The following ARHGAP22 variants were observed in gnomAD, a reference collection of about 807,000 sequenced individuals.
ARHGAP22 encodes the protein rho GTPase-activating protein 22.
A neutral mutation model predicts 59.1 loss-of-function variants in ARHGAP22; 48 were observed. That is an observed-to-expected ratio of 0.81 (90% CI 0.64 to 1.03). The LOEUF is 1.03. ARHGAP22 is among the 50% of genes least tolerant of loss of function. The probability of loss-of-function intolerance (pLI) is 0.00; values close to 1 mark genes in which losing one functional copy is unlikely to be tolerated. For synonymous variants in ARHGAP22, 445 were observed against 416.4 expected, an observed-to-expected ratio of 1.07 and a Z score of -0.84; for missense variants, 1,015 against 958.7, an observed-to-expected ratio of 1.06 and a Z score of -0.78.
chr10:48,644,963 T>C (rs1180739501), intron 1 of ARHGAP22, among the ~76,000 whole-genome samples: 1 of 151,410 alleles, frequency 6.6e-6, no homozygotes, highest in Non-Finnish European at 1.5e-5. Flanking sequence ...AGTAAAACAT[T>C]AGAGAAAATC....
intron 2 of ARHGAP22, among the ~76,000 whole-genome samples, chr10:48,567,391 C>T (rs1459355168): frequency 3.3e-5 from 5 of 152,080 alleles, no homozygotes; most frequent in Non-Finnish European, 5.9e-5. Context: ...ACTAGTGCCC[C>T]GGCCTTGGTG....
At chr10:48,487,070 C>G (rs2049932023) in intron 3 of ARHGAP22, among the ~76,000 whole-genome samples, 1 of 152,106 alleles carries the variant, frequency 6.6e-6, no homozygotes, top group Non-Finnish European at 1.5e-5. Flanking sequence ...CACTGAACTT[C>G]TTAGATTTGT....
At chr10:48,647,745 A>G (rs907561199) in intron 1 of ARHGAP22, among the ~76,000 whole-genome samples, 1 of 152,264 alleles carries the variant, frequency 6.6e-6, no homozygotes, top group African/African-American at 2.4e-5. Context: ...GTGAATGCTC[A>G]TAACAGCATC....
chr10:48,533,747 T>C (rs1268398752), intron 3 of ARHGAP22, among the ~76,000 whole-genome samples: 4 of 152,244 alleles, frequency 2.6e-5, no homozygotes, highest in African/African-American at 7.2e-5. Context: ...AAACTTTATG[T>C]ACAATAGCAG....
chr10:48,484,529 C>T (rs1245146731), intron 3 of ARHGAP22, among the ~76,000 whole-genome samples: 6 of 152,170 alleles, frequency 3.9e-5, no homozygotes, highest in Admixed American at 3.9e-4. Context: ...TGTTTTCAAA[C>T]CTAGAAGTTT....
chr10:48,453,944 C>T (rs981532393), intron 7 of ARHGAP22, 144 bp downstream of exon 7: 20 of 819,612 alleles, frequency 2.4e-5, no homozygotes, highest in African/African-American at 6.8e-5. Context: ...CTCCCTGCTT[C>T]GTCCACGCTG....
At chr10:48,448,357 C>T (rs1356901930) in intron 9 of ARHGAP22, among the ~76,000 whole-genome samples, 2 of 152,218 alleles carry the variant, frequency 1.3e-5, no homozygotes, top group Admixed American at 6.5e-5. Context: ...TTTTAACACA[C>T]CGTGTATTTT....
At chr10:48,505,024 G>A (rs1300139494) in intron 3 of ARHGAP22, among the ~76,000 whole-genome samples, 1 of 134,728 alleles carries the variant, frequency 7.4e-6, no homozygotes, top group African/African-American at 3.1e-5. Flanking sequence ...ACCACACCCT[G>A]CTTTCTCTGT....
chr10:48,498,593 C>T (rs1417497002), intron 3 of ARHGAP22, among the ~76,000 whole-genome samples: 1 of 152,206 alleles, frequency 6.6e-6, no homozygotes, highest in Non-Finnish European at 1.5e-5. Context: ...AGTTCTCATA[C>T]CCGCTCTGCA....
chr10:48,450,703 A>T lies in ARHGAP22; in HGVS notation c.1426T>A (p.Ser476Thr). ...CCCGAGTCCTTGAGCCGGTCTCCCG[A>T]CGAGGCCCGGCGGTGTCCGCGCAGG... ...SSLRGHRRASSGDRLKDSGSV... is the reference protein window; with the variant it reads ...SSLRGHRRASTGDRLKDSGSV... The change falls in exon 9 of 10, where the codon TCG becomes ACG. Residue 476 changes from serine to threonine, a missense_variant. Ser to Thr is a moderately conservative substitution (Grantham distance 58). Transcript: ENST00000249601. 5.2e-6 allele frequency: 8 copies of T among 1,553,222 alleles called. No individual in the cohort carries two copies. The highest frequency in any genetic ancestry group is 7.0e-6 in the Non-Finnish European group (8 of 1,148,650).
intron 1 of ARHGAP22, among the ~76,000 whole-genome samples, chr10:48,631,487 A>G (rs1310902069): frequency 3.3e-5 from 5 of 152,230 alleles, no homozygotes; most frequent in African/African-American, 1.2e-4. Flanking sequence ...AATAGTTATA[A>G]GCCAATTAAA....
chr10:48,557,488 A>G (rs1046808164), intron 2 of ARHGAP22, among the ~76,000 whole-genome samples: 1 of 152,232 alleles, frequency 6.6e-6, no homozygotes, highest in African/African-American at 2.4e-5. Context: ...AGAGGGGTAG[A>G]CACTACCATT....
At chr10:48,521,737 G>A (rs11101366) in intron 3 of ARHGAP22, among the ~76,000 whole-genome samples, 54,936 of 152,142 alleles carry the variant, frequency 0.36, 12,009 homozygotes, top group Middle Eastern at 0.54. Flanking sequence ...TATTACAACC[G>A]AACAGTTTAA....
intron 1 of ARHGAP22, among the ~76,000 whole-genome samples, chr10:48,600,145 G>A (rs1426234796): frequency 6.6e-6 from 1 of 152,214 alleles, no homozygotes; most frequent in Non-Finnish European, 1.5e-5. Context: ...TGCATGTAAT[G>A]GAAGGTCCAG....
At chr10:48,459,000 C>A (rs1238870600) in intron 5 of ARHGAP22, among the ~76,000 whole-genome samples, 1 of 152,130 alleles carries the variant, frequency 6.6e-6, no homozygotes, top group Non-Finnish European at 1.5e-5. Context: ...TGGGGCAGAT[C>A]CAAGAAGACA....
downstream of ARHGAP22, among the ~76,000 whole-genome samples, chr10:48,441,933 C>T (rs181830568): frequency 9.8e-5 from 15 of 152,314 alleles, no homozygotes; most frequent in African/African-American, 3.6e-4. Context: ...CTCTTGATGC[C>T]TCACACTGGG....
chr10:48,443,769 C>A (rs2045257988), downstream of ARHGAP22: 1 of 152,274 alleles, frequency 6.6e-6, no homozygotes, highest in South Asian at 2.1e-4. Flanking sequence ...GGGTTCCATT[C>A]CGAAATTCCT....
chr10:48,529,812 C>T (rs1034438284), intron 3 of ARHGAP22, among the ~76,000 whole-genome samples: 2 of 152,166 alleles, frequency 1.3e-5, no homozygotes, highest in Non-Finnish European at 2.9e-5. Context: ...TACTTACAGT[C>T]AATTGATCTT....
At position 48,583,064 on chromosome 10, in the gene ARHGAP22, C is replaced by G. The variant is rs185292982; in HGVS notation, c.123G>C (p.Ala41=). Residue 41 remains alanine, a synonymous_variant, in exon 2 of 10, where the codon GCG becomes GCC. Transcript: ENST00000249601. ...TGCTCCTCTGCTTCTTCAGCCAGCC[C>G]GCCTTCAGCACGGGGCCCAGCCTGT... The part of the protein sequence containing the change: ...CPHRLGPVLK[A]GWLKKQRSIM... 1 of 1,614,286 alleles carries G rather than the reference C, an allele frequency of 6.2e-7. No homozygotes were observed. Among genetic ancestry groups the G allele is most frequent in the Non-Finnish European group, 8.5e-7 (1 of 1,180,048 alleles).
Sources: allele counts gnomAD v4.1 joint callset (sites outside exome capture counted in the v4.1 genomes callset), GRCh38; gene constraint gnomAD v4.1.1; transcripts MANE v1.5; gene names NCBI Gene and HGNC (gene_info 2026-07-23, HGNC 2026-07-21).